FGGY: variants seen among roughly 807,000 people sequenced by gnomAD.
The protein encoded by FGGY is FGGY carbohydrate kinase domain containing.
A neutral mutation model predicts 71.3 loss-of-function variants in FGGY; 72 were observed. The observed-to-expected ratio is 1.01, with a 90% CI of 0.84 to 1.23. The LOEUF (loss-of-function observed/expected upper bound fraction) is 1.23, where lower values mean the gene tolerates loss of function less well. FGGY is among the 50% of genes most tolerant of loss of function. The pLI is 0.00. For synonymous variants in FGGY, 251 were observed against 250.3 expected, an observed-to-expected ratio of 1.00 and a Z score of -0.02; for missense variants, 668 against 682.3, an observed-to-expected ratio of 0.98 and a Z score of 0.23.
chr1:59,401,378 A>T (rs780292054), intron 5 of FGGY, among the ~76,000 whole-genome samples: 1 of 152,200 alleles, frequency 6.6e-6, no homozygotes, highest in Non-Finnish European at 1.5e-5. Flanking sequence ...TGTATTACTG[A>T]CATTGTAACA....
At chr1:59,665,735 G>GTGA (rs2097317535) in intron 12 of FGGY, among the ~76,000 whole-genome samples, 1 of 151,456 alleles carries the variant, frequency 6.6e-6, no homozygotes, top group Non-Finnish European at 1.5e-5. Context: ...GTGCAATGGT[G>GTGA]TGATCTCGGC....
At chr1:59,374,452 G>T (rs1317996204) in intron 4 of FGGY, among the ~76,000 whole-genome samples, 1 of 152,344 alleles carries the variant, frequency 6.6e-6, no homozygotes, top group Non-Finnish European at 1.5e-5. Context: ...TTACACTGTT[G>T]TTGGGACTGT....
rs199896091 is a variant in FGGY, at chr1:59,638,200, T to A, written c.1074-28T>A. The A allele has an allele frequency of 4.4e-4, 714 of 1,607,624 alleles. 2 individuals carry two copies. In the Middle Eastern group the frequency reaches 7.8e-3, roughly 18 times the overall value. Reference sequence around the variant, plus strand: ...TTTGCTCCCTGACCCTATCCCCCCTTTAAAAATAAAATTCACTTCTCTTCC... The same window carrying A: ...TTTGCTCCCTGACCCTATCCCCCCTATAAAAATAAAATTCACTTCTCTTCC... On this transcript the variant is annotated intron_variant, in intron 10 of 15. Transcript: ENST00000303721.
intron 5 of FGGY, among the ~76,000 whole-genome samples, chr1:59,379,817 T>C (rs1300506481): frequency 1.3e-5 from 2 of 152,144 alleles, no homozygotes; most frequent in Admixed American, 6.5e-5. Flanking sequence ...TTTTTCATTA[T>C]ACTTTAAGTT....
chr1:59,535,349 A>G lies in FGGY; in HGVS notation c.800-18775A>G, dbSNP rs1381806226. On this transcript the variant is annotated intron_variant, in intron 7 of 15. Transcript: ENST00000303721. The stretch of plus-strand genomic sequence containing the variant: ...TCATAAAGCAAGTCCTGAGTGACCT[A>G]CAAAGAGACTTAGACTCCCACACAT... Among the ~76,000 whole-genome samples, 6 of 152,296 alleles carry G rather than the reference A, an allele frequency of 3.9e-5. No individual in the cohort carries two copies. The East Asian group carries it at 7.7e-4, about 20-fold the overall frequency.
intron 1 of FGGY, among the ~76,000 whole-genome samples, chr1:59,305,466 A>T (rs2043307970): frequency 6.6e-6 from 1 of 152,056 alleles, no homozygotes; most frequent in African/African-American, 2.4e-5. Context: ...CTAGTATTTT[A>T]TTGGGGATTT....
intron 5 of FGGY, among the ~76,000 whole-genome samples, chr1:59,382,364 A>T (rs940555132): frequency 2.0e-5 from 3 of 152,202 alleles, no homozygotes; most frequent in African/African-American, 7.2e-5. Flanking sequence ...AGCAACCCCG[A>T]ACCTCCTTGC....
intron 7 of FGGY, among the ~76,000 whole-genome samples, chr1:59,536,477 T>G (rs1235954121): frequency 1.3e-5 from 2 of 152,330 alleles, no homozygotes; most frequent in African/African-American, 4.8e-5. Flanking sequence ...TAACTCATTT[T>G]ATGAGGCCAG....
chr1:59,341,065 G>T (rs757553621), intron 3 of FGGY, among the ~76,000 whole-genome samples: 2 of 152,148 alleles, frequency 1.3e-5, no homozygotes, highest in Non-Finnish European at 2.9e-5. Flanking sequence ...TTAACTGTTG[G>T]CTATGAGGTA....
chr1:59,722,716 G>T (rs2097907669), intron 14 of FGGY, among the ~76,000 whole-genome samples: 1 of 152,176 alleles, frequency 6.6e-6, no homozygotes, highest in African/African-American at 2.4e-5. Flanking sequence ...GCACTACAAG[G>T]CACTTTAGGC....
At chr1:59,535,848 T>A (rs1267080330) in intron 7 of FGGY, among the ~76,000 whole-genome samples, 10 of 145,966 alleles carry the variant, frequency 6.9e-5, no homozygotes, top group South Asian at 4.8e-4. Flanking sequence ...TAGAGGGAAA[T>A]TTATAGCACT....
intron 6 of FGGY, among the ~76,000 whole-genome samples, chr1:59,487,616 A>G (rs1365491129): frequency 6.6e-6 from 1 of 152,222 alleles, no homozygotes; most frequent in Non-Finnish European, 1.5e-5. Flanking sequence ...TGAGGCACTC[A>G]GTTAAGCTTA....
At chr1:59,517,427 G>A (rs1218040779) in intron 7 of FGGY, among the ~76,000 whole-genome samples, 1 of 151,486 alleles carries the variant, frequency 6.6e-6, no homozygotes, top group African/African-American at 2.4e-5. Context: ...CACTATGCCC[G>A]GCTAATTTTT....
At chr1:59,548,856 T>C (rs1183170267) in intron 7 of FGGY, among the ~76,000 whole-genome samples, 2 of 152,188 alleles carry the variant, frequency 1.3e-5, no homozygotes, top group African/African-American at 4.8e-5. Flanking sequence ...TACACCTATA[T>C]TAACATATAT....
At chr1:59,468,972 G>C (rs994312004) in intron 6 of FGGY, among the ~76,000 whole-genome samples, 6 of 152,076 alleles carry the variant, frequency 3.9e-5, no homozygotes, top group Non-Finnish European at 5.9e-5. Flanking sequence ...CTCAGGCAAG[G>C]GTGCAGTATT....
chr1:59,589,433 G>A (rs368402036), intron 8 of FGGY, among the ~76,000 whole-genome samples: 38 of 152,100 alleles, frequency 2.5e-4, no homozygotes, highest in South Asian at 2.5e-3. Flanking sequence ...TGCACCAAGC[G>A]GACCTAATAG....
intron 6 of FGGY, among the ~76,000 whole-genome samples, chr1:59,460,396 C>T (rs577327238): frequency 3.9e-5 from 6 of 152,142 alleles, no homozygotes; most frequent in African/African-American, 1.4e-4. Context: ...CAGAGCAGCT[C>T]GGAAGCTCGA....
At chr1:59,627,402 G>A (rs1161950617) in intron 10 of FGGY, among the ~76,000 whole-genome samples, 2 of 145,584 alleles carry the variant, frequency 1.4e-5, no homozygotes, top group African/African-American at 2.5e-5. Flanking sequence ...TCACAAATGG[G>A]AAAAGGAGAA....
intron 2 of FGGY, among the ~76,000 whole-genome samples, chr1:59,333,134 C>T (rs2048826233): frequency 6.6e-6 from 1 of 152,188 alleles, no homozygotes; most frequent in Non-Finnish European, 1.5e-5. Context: ...ACACCACATC[C>T]TGTGTTTGTT....
Sources: allele counts gnomAD v4.1 joint callset (sites outside exome capture counted in the v4.1 genomes callset), GRCh38; gene constraint gnomAD v4.1.1; transcripts MANE v1.5; gene names NCBI Gene and HGNC (gene_info 2026-07-23, HGNC 2026-07-21).